Variants in LMF2 observed in about 807,000 individuals in gnomAD.
The protein encoded by LMF2 is transmembrane protein 112B.
A neutral mutation model predicts 81.5 loss-of-function variants in LMF2; 113 were observed. The observed-to-expected ratio is 1.39, with a 90% CI of 1.19 to 1.62. The LOEUF (loss-of-function observed/expected upper bound fraction) is 1.62, where lower values mean the gene tolerates loss of function less well. Among genes scored for constraint, LMF2 ranks in the 40% most tolerant of loss-of-function variants. The pLI is 0.00. For synonymous variants in LMF2, 645 were observed against 424.5 expected (o/e 1.52, Z -6.39); for missense variants, 1,235 against 929.1 (o/e 1.33, Z -4.28).
rs1320914828 is a variant in LMF2, at chr22:50,506,810, A to G, written c.320T>C (p.Leu107Pro). The change falls in exon 2 of 14, where the codon CTT becomes CCT. Residue 107 changes from leucine (L) to proline (P), a missense_variant. Leu to Pro is a moderately conservative substitution (Grantham distance 98). Transcript: ENST00000474879. ...PLRHPVIYLL[L>P]WAAYLSACQV... ...GCAGGCTGACAGGTAGGCGGCCCAA[A>G]GCAGCAAGTAGATGACAGGGTGGCG... 2 of 1,611,596 alleles carry G rather than the reference A, an allele frequency of 1.2e-6. No homozygotes were observed. Among genetic ancestry groups the G allele is most frequent in the Non-Finnish European group, 1.7e-6 (2 of 1,179,192 alleles).
chr22:50,507,012 G>C lies in LMF2; in HGVS notation c.118C>G (p.Leu40Val). The change falls in exon 2 of 14, where the codon CTA becomes GTA. Residue 40 changes from leucine (L) to valine (V), a missense_variant. Leu to Val is a conservative substitution (Grantham distance 32, BLOSUM62 1). Transcript: ENST00000474879. ...IPGLYGPEGI[L>V]PARRTLRPQG... ...GGCCGCAGCGTCCTCCTTGCAGGTAGGATGCCCTCGGGGCCATACAGGCCT... is the reference window on the plus strand; with the variant it reads ...GGCCGCAGCGTCCTCCTTGCAGGTACGATGCCCTCGGGGCCATACAGGCCT... 6.3e-7 allele frequency: 1 copy of C among 1,595,670 alleles called. No individual in the cohort carries two copies. Among genetic ancestry groups the C allele is most frequent in the South Asian group, 1.1e-5 (1 of 90,364 alleles).
chr22:50,506,172 C>T lies in LMF2; in HGVS notation c.637G>A (p.Ala213Thr), dbSNP rs200851611. 162 of 1,563,880 alleles carry T rather than the reference C, an allele frequency of 1.0e-4. No individual in the cohort carries two copies. Among genetic ancestry groups the T allele is most frequent in the Middle Eastern group, 1.7e-4 (1 of 6,030 alleles). Residue 213 changes from alanine to threonine, a missense_variant, in exon 5 of 14, where the codon GCC becomes ACC. Transcript: ENST00000474879. ...HYETQCLPTP[A>T]AWFAHHLPVW... is the part of the protein sequence containing the mutation. ...GGCAGGTGGTGTGCGAACCAGGCGGCGGGCGTGGGCAGGCACTGGGTCTCG... is the reference window on the plus strand; with the variant it reads ...GGCAGGTGGTGTGCGAACCAGGCGGTGGGCGTGGGCAGGCACTGGGTCTCG...
In LMF2 at chr22:50,504,423, G is replaced by T; in HGVS notation, c.1635C>A (p.Ala545=). 1 of 1,612,140 alleles carries T rather than the reference G, an allele frequency of 6.2e-7. No homozygotes were observed. Among genetic ancestry groups the T allele is most frequent in the Non-Finnish European group, 8.5e-7 (1 of 1,179,660 alleles). ...GCGGCTGCTTGTGGAAGGGATACCT[G>T]GCCACTTGGCTCTGGACAAGGCGGA... is the stretch of plus-strand genomic sequence containing the variant. ...PVIRLVQSQV[A]RYPFHKQPPT... The change falls in exon 12 of 14, where the codon GCC becomes GCA. Residue 545 remains alanine (A), a synonymous_variant. Coordinates refer to ENST00000474879, the MANE Select transcript of LMF2 (RefSeq NM_033200.3).
intron 7 of LMF2, 24 bp from the exon 8 acceptor site, chr22:50,505,358 G>C: frequency 6.2e-7 from 1 of 1,613,230 alleles, no homozygotes; most frequent in South Asian, 1.1e-5. Flanking sequence ...GGGGTGTGAG[G>C]ACTGGTCCGC....
At chr22:50,503,752 C>T in intron 13 of LMF2, 53 bp from the exon 14 acceptor site, 2 of 1,592,716 alleles carry the variant, frequency 1.3e-6, no homozygotes, top group South Asian at 2.2e-5. Flanking sequence ...TGGGTTTACC[C>T]CGGGAGGCTG....
At position 50,503,211 on chromosome 22, in the gene LMF2, G is replaced by A; in HGVS notation, c.*180C>T. 1.7e-6 allele frequency: 1 copy of A among 583,640 alleles called. No homozygotes were observed. Among genetic ancestry groups the A allele is most frequent in the African/African-American group, 2.0e-5 (1 of 50,910 alleles). 36.2% of individuals were successfully genotyped at this position (583,640 alleles called of 1,614,324 possible). On this transcript the variant is annotated 3_prime_UTR_variant, in exon 14 of 14. Transcript: ENST00000474879. Reference sequence around the variant, plus strand: ...GGAGTCCTGGGGAGGGGCATGGCTGGCGTGGGGGTGGGGCCTGGAGCCCTC... The same window carrying A: ...GGAGTCCTGGGGAGGGGCATGGCTGACGTGGGGGTGGGGCCTGGAGCCCTC...
rs1170054387 is a variant in LMF2 at position 50,505,063 on chromosome 22, A to G, written c.1248T>C (p.Ile416=). The change falls in exon 9 of 14, where the codon ATT becomes ATC. Residue 416 remains isoleucine, a synonymous_variant. Transcript: ENST00000474879. ...GCCCTGCAGCGCTACCCACCAGGCT[A>G]ATCAGGAACAAGGCCACGGTCGCAG... The part of the protein sequence containing the change: ...VGTATVALFL[I]SLVPYSYVEP... 6.2e-7 allele frequency: 1 copy of G among 1,612,820 alleles called. No homozygotes were observed. The highest frequency in any genetic ancestry group is 8.5e-7 in the Non-Finnish European group (1 of 1,179,984).
chr22:50,507,551 G>A, intron 1 of LMF2, 31 bp downstream of exon 1: 2 of 1,480,436 alleles, frequency 1.4e-6, no homozygotes, highest in Admixed American at 3.9e-5. Flanking sequence ...CCGCGCCGAG[G>A]CTGGGGGTGT....
At position 50,503,460 on chromosome 22, in the gene LMF2, G is replaced by A. The variant is rs746403681; in HGVS notation, c.2055C>T (p.Ala685=). 1.9e-6 allele frequency: 3 copies of A among 1,600,878 alleles called. No homozygotes were observed. The highest frequency in any genetic ancestry group is 2.2e-5 in the South Asian group (2 of 89,696). ...TGGGGGCTGCGGTGGCCTGTTCGGA[G>A]GCAGCTCCGGAGTCTTTCTGGGAGG... ...RPASQKDSGA[A]SEQATAAPNP... Residue 685 remains alanine (A), a synonymous_variant, in exon 14 of 14, where the codon GCC becomes GCT. Coordinates refer to ENST00000474879, the MANE Select transcript of LMF2 (RefSeq NM_033200.3).
chr22:50,505,850 T>C (rs777009345), intron 5 of LMF2, 35 bp from the exon 6 acceptor site: 2 of 1,610,042 alleles, frequency 1.2e-6, no homozygotes, highest in South Asian at 2.2e-5. Context: ...TCCCGGAGAC[T>C]GACGCCTGGC....
In LMF2 at chr22:50,503,017, C is replaced by T. The variant is rs187470521; in HGVS notation, c.*374G>A. ...GCAGGATGGGCTGGTGTGAAGATGA[C>T]GTGGAAGATGACAGTGCTTCCCCTC... On this transcript the variant is annotated 3_prime_UTR_variant, in exon 14 of 14. Transcript: ENST00000474879. The T allele has an allele frequency of 1.4e-4, 34 of 235,382 alleles. No homozygotes were observed. The highest frequency in any genetic ancestry group is 8.8e-4 in the Admixed American group (15 of 17,006). The allele number at this position is 235,382 out of a possible 1,614,324, so 14.6% of individuals were successfully genotyped here.
In LMF2 at chr22:50,505,268, A is replaced by C. The variant is rs767264199; in HGVS notation, c.1118T>G (p.Val373Gly). ...TLTLPTVWLG[V>G]ASLVWELLSA... ...CAGCAGCTCCCAGACCAGGGAGGCC[A>C]CACCCAGCCACACAGTGGGCAGCGT... is the stretch of plus-strand genomic sequence containing the variant. Residue 373 changes from valine (V) to glycine (G), a missense_variant, in exon 8 of 14, where the codon GTG (valine) becomes GGG (glycine). Physicochemically the swap from Val to Gly is moderately radical, Grantham distance 109. Transcript: ENST00000474879. 2 of 1,613,142 alleles carry C rather than the reference A, an allele frequency of 1.2e-6. No homozygotes were observed. Among genetic ancestry groups the C allele is most frequent in the Non-Finnish European group, 1.7e-6 (2 of 1,180,004 alleles).
intron 1 of LMF2, 22 bp from the exon 2 acceptor site, chr22:50,507,057 C>T (rs1316410312): frequency 3.8e-6 from 6 of 1,577,200 alleles, no homozygotes; most frequent in East Asian, 2.2e-5. Flanking sequence ...CATGTCATGG[C>T]CAGGCCCTGG....
In LMF2 at chr22:50,503,289, T is replaced by C. The variant is rs1316659941; in HGVS notation, c.*102A>G. 1 of 1,303,428 alleles carries C rather than the reference T, an allele frequency of 7.7e-7. No homozygotes were observed. The highest frequency in any genetic ancestry group is 1.1e-6 in the Non-Finnish European group (1 of 944,418). 80.7% of individuals were successfully genotyped at this position (1,303,428 alleles called of 1,614,324 possible). ...CAGCCCCCCAACCTGTGCCTGGCCC[T>C]GCAGGGTCAGCTAAGGCACAGTGGC... On this transcript the variant is annotated 3_prime_UTR_variant, in exon 14 of 14. Transcript: ENST00000474879.
Position 50,506,628 on chromosome 22 carries a change from CG to C in LMF2, c.377+9del. ...AGCCTCCCACAGCCCCAGGCCCAGC[CG>C]TCACTCACCACTGGAAATAAAGGAA... On this transcript the variant is annotated intron_variant, in intron 3 of 13. Coordinates refer to ENST00000474879, the MANE Select transcript of LMF2 (RefSeq NM_033200.3). 1 of 1,612,066 alleles carries C rather than the reference CG, an allele frequency of 6.2e-7. No individual in the cohort carries two copies. The highest frequency in any genetic ancestry group is 8.5e-7 in the Non-Finnish European group (1 of 1,179,260).
chr22:50,506,052 C>A lies in LMF2; in HGVS notation c.757G>T (p.Ala253Ser). The A allele has an allele frequency of 6.3e-7, 1 of 1,588,996 alleles. No homozygotes were observed. Among genetic ancestry groups the A allele is most frequent in the Non-Finnish European group, 8.6e-7 (1 of 1,167,884 alleles). Residue 253 changes from alanine (A) to serine (S), a missense_variant, in exon 5 of 14, where the codon GCT (alanine) becomes TCT (serine). Coordinates refer to ENST00000474879, the MANE Select transcript of LMF2 (RefSeq NM_033200.3). Reference sequence around the variant, plus strand: ...TCACCCACCTGCGAGTAGAAAGCAGCCAAGCGCAGGCGTCGAATGGGGGCG... The same window carrying A: ...TCACCCACCTGCGAGTAGAAAGCAGACAAGCGCAGGCGTCGAATGGGGGCG... The part of the protein sequence containing the change: ...FFAPIRRLRL[A>S]AFYSQVLLQV...
At chr22:50,505,183 C>T (rs376018946) in intron 8 of LMF2, 30 bp from the exon 9 acceptor site, 44 of 1,612,540 alleles carry the variant, frequency 2.7e-5, no homozygotes, top group African/African-American at 2.5e-4. Flanking sequence ...GTCGTCAGGC[C>T]GGCCCTGCAC....
At chr22:50,505,939 TC>T in intron 5 of LMF2, 95 bp downstream of exon 5, 2 of 1,564,160 alleles carry the variant, frequency 1.3e-6, no homozygotes, top group Non-Finnish European at 1.7e-6. Flanking sequence ...TTGCCAGCTG[TC>T]CCCGGGAGCC....
At position 50,506,916 on chromosome 22, in the gene LMF2, G is replaced by C; in HGVS notation, c.214C>G (p.Leu72Val). Reference protein sequence around the residue: ...TLLWEAPRLGLDTAQGLELLS... With the variant: ...TLLWEAPRLGVDTAQGLELLS... ...AGCTCCAGGCCCTGGGCCGTGTCCA[G>C]CCCCAGTCTCGGCGCTTCCCACAGC... is the stretch of plus-strand genomic sequence containing the variant. The change falls in exon 2 of 14, where the codon CTG becomes GTG. Residue 72 changes from leucine to valine, a missense_variant. Coordinates refer to ENST00000474879, the MANE Select transcript of LMF2 (RefSeq NM_033200.3). The C allele has an allele frequency of 6.3e-7, 1 of 1,583,414 alleles. No homozygotes were observed. The highest frequency in any genetic ancestry group is 2.3e-5 in the East Asian group (1 of 43,190).
Sources: gnomAD v4.1 joint callset for allele counts on GRCh38, gnomAD v4.1.1 for gene constraint, MANE v1.5 for transcripts, NCBI Gene and HGNC (gene_info 2026-07-23, HGNC 2026-07-21) for gene names.